Variants in SLU7 observed in about 807,000 individuals in gnomAD.
The protein encoded by SLU7 is pre-mRNA-splicing factor SLU7.
In SLU7, 60 loss-of-function variants were observed where a neutral mutation model predicts 87.0. That is an observed-to-expected ratio of 0.69 (90% CI 0.56 to 0.86). The LOEUF (loss-of-function observed/expected upper bound fraction) is 0.86. Ranked by LOEUF, SLU7 falls within the 40% of genes least tolerant of loss-of-function variation. The probability of loss-of-function intolerance (pLI) is 0.00; values close to 1 mark genes in which losing one functional copy is unlikely to be tolerated. For synonymous variants in SLU7, 197 were observed against 222.0 expected (o/e 0.89, Z 1.00); for missense variants, 507 against 686.6 (o/e 0.74, Z 2.92).
rs770918850 is a variant in SLU7, at chr5:160,414,385, T to C, written c.258A>G (p.Arg86=). 6.2e-7 allele frequency: 1 copy of C among 1,612,272 alleles called. No homozygotes were observed. The highest frequency in any genetic ancestry group is 1.1e-5 in the South Asian group (1 of 90,922). ...PSKRPTLKHQ[R]PQPEKQKQFS... is the part of the protein sequence containing the mutation. ...ACTGCTTTTGTTTTTCTGGTTGTGG[T>C]CTCTGGTGTTTTAAAGTAGGTCTTT... is the stretch of plus-strand genomic sequence containing the variant. Residue 86 remains arginine, a synonymous_variant, in exon 3 of 16, where the codon AGA becomes AGG. Coordinates refer to ENST00000297151, the MANE Select transcript of SLU7 (RefSeq NM_006425.5).
Position 160,407,662 on chromosome 5 carries a change from T to C in SLU7, c.986-47A>G, listed in dbSNP as rs747796625. 1.2e-6 allele frequency: 2 copies of C among 1,603,468 alleles called. No homozygotes were observed. Among genetic ancestry groups the C allele is most frequent in the South Asian group, 1.1e-5 (1 of 88,860 alleles). On this transcript the variant is annotated intron_variant, in intron 10 of 15. Coordinates refer to ENST00000297151, the MANE Select transcript of SLU7 (RefSeq NM_006425.5). The surrounding 1 kb of genome is among the most constrained non-coding windows in gnomAD (Gnocchi z 4.2). ...TAGTGAGTTGGCAGCTGCATTACTG[T>C]ATGCTTCTTGAAAACAAGCTTTAAA...
intron 6 of SLU7, 130 bp from the exon 7 acceptor site, chr5:160,408,827 T>TTATATAATAAA: frequency 5.8e-6 from 1 of 171,358 alleles, no homozygotes. Context: ...TATATTTTAT[T>TTATATAATAAA]ATATATTATA....
At chr5:160,414,542 A>G in intron 2 of SLU7, 70 bp from the exon 3 acceptor site, 1 of 1,027,028 alleles carries the variant, frequency 9.7e-7, no homozygotes, top group Non-Finnish European at 1.4e-6. Flanking sequence ...ACAATTACAA[A>G]GGTAGCTTAT....
rs1278642279 is a variant in SLU7 at position 160,403,400 on chromosome 5, T to C, written c.1646A>G (p.Lys549Arg). The C allele has an allele frequency of 6.2e-7, 1 of 1,613,416 alleles. No individual in the cohort carries two copies. The highest frequency in any genetic ancestry group is 8.5e-7 in the Non-Finnish European group (1 of 1,179,752). ...TTCATACATGCTATTGTAAGGCCGC[T>C]TCCTCTCATCAATCTGCATGGTCTC... ...VKETMQIDERKRPYNSMYETR... is the reference protein window; with the variant it reads ...VKETMQIDERRRPYNSMYETR... Residue 549 changes from lysine (K) to arginine (R), a missense_variant, in exon 16 of 16, where the codon AAG becomes AGG. Lys to Arg is a conservative substitution (Grantham distance 26). Coordinates refer to ENST00000297151, the MANE Select transcript of SLU7 (RefSeq NM_006425.5).
Position 160,408,320 on chromosome 5 carries a change from A to G in SLU7, c.819+9T>C. ...TTTCAAATATGTATGTTAAGCTGACAAGACTTACTTTTGCAATATCTTCTC... is the reference window on the plus strand; with the variant it reads ...TTTCAAATATGTATGTTAAGCTGACGAGACTTACTTTTGCAATATCTTCTC... On this transcript the variant is annotated intron_variant, in intron 8 of 15. Coordinates refer to ENST00000297151, the MANE Select transcript of SLU7 (RefSeq NM_006425.5). 6.2e-7 allele frequency: 1 copy of G among 1,604,032 alleles called. No homozygotes were observed.
intron 14 of SLU7, 44 bp downstream of exon 14, chr5:160,404,765 C>T (rs764438972): frequency 7.5e-7 from 1 of 1,336,434 alleles, no homozygotes; most frequent in Non-Finnish European, 1.1e-6. Flanking sequence ...TTAAAGCCCT[C>T]CCTCCAGGAC....
intron 1 of SLU7, among the ~76,000 whole-genome samples, chr5:160,417,762 A>G (rs1765515839): frequency 7.2e-6 from 1 of 139,806 alleles, no homozygotes. Flanking sequence ...ACTGCACTCC[A>G]GCCTGGGCGA....
At chr5:160,405,218 T>C (rs1165834565) in intron 12 of SLU7, 83 bp from the exon 13 acceptor site, 2 of 941,592 alleles carry the variant, frequency 2.1e-6, no homozygotes, top group Non-Finnish European at 3.4e-6. Flanking sequence ...TATAAAATAA[T>C]ACAGCCCATT....
At chr5:160,405,771 T>C (rs1330827299) in intron 12 of SLU7, among the ~76,000 whole-genome samples, 1 of 152,200 alleles carries the variant, frequency 6.6e-6, no homozygotes, top group Non-Finnish European at 1.5e-5. Flanking sequence ...ACAAGTTATA[T>C]AACACTACTA....
intron 1 of SLU7, among the ~76,000 whole-genome samples, chr5:160,417,930 C>T (rs1765524541): frequency 6.6e-6 from 1 of 152,172 alleles, no homozygotes. Context: ...ACAACTATCC[C>T]CGCTTCCTTC....
intron 11 of SLU7, 96 bp from the exon 12 acceptor site, chr5:160,406,725 C>A: frequency 9.7e-7 from 1 of 1,026,632 alleles, no homozygotes; most frequent in Non-Finnish European, 1.4e-6. Context: ...AGAAAGGGAA[C>A]ATTCTTTACT....
At position 160,414,014 on chromosome 5, in the gene SLU7, T is replaced by C. The variant is rs775754406; in HGVS notation, c.325-35A>G. On this transcript the variant is annotated intron_variant, in intron 3 of 15. Coordinates refer to ENST00000297151, the MANE Select transcript of SLU7 (RefSeq NM_006425.5). ...TATATAAAGAAAAACAAAAATGTCTTAACCACGTAAGTTAGAAATAACTTT... is the reference window on the plus strand; with the variant it reads ...TATATAAAGAAAAACAAAAATGTCTCAACCACGTAAGTTAGAAATAACTTT... 4 of 1,266,462 alleles carry C rather than the reference T, an allele frequency of 3.2e-6. No individual in the cohort carries two copies. In the African/African-American group the frequency reaches 6.2e-5, roughly 20 times the overall value. The allele number at this position is 1,266,462 out of a possible 1,614,324, so 78.5% of individuals were successfully genotyped here.
At chr5:160,415,577 T>G (rs2113166363) in intron 1 of SLU7, among the ~76,000 whole-genome samples, 1 of 152,304 alleles carries the variant, frequency 6.6e-6, no homozygotes, top group East Asian at 1.9e-4. Context: ...CCTTAATCCC[T>G]CTTTCTGTGT....
At chr5:160,411,162 G>A (rs970791663) in intron 6 of SLU7, among the ~76,000 whole-genome samples, 3 of 152,120 alleles carry the variant, frequency 2.0e-5, no homozygotes, top group African/African-American at 7.2e-5. Flanking sequence ...CACCGCGCCC[G>A]GCCGGCAAAT....
chr5:160,405,944 T>C (rs1186103661), intron 12 of SLU7, among the ~76,000 whole-genome samples: 2 of 152,116 alleles, frequency 1.3e-5, no homozygotes, highest in Admixed American at 6.5e-5. Context: ...AAACAAAAAA[T>C]AGGTGTTAAA....
rs1290569438 is a variant in SLU7, at chr5:160,416,880, T to C, written c.-16-1570A>G. Among the ~76,000 whole-genome samples, 6 of 152,224 alleles carry C rather than the reference T, an allele frequency of 3.9e-5. No individual in the cohort carries two copies. The East Asian group carries it at 1.2e-3, about 29-fold the overall frequency. ...TCATCTTGAATTGTACTCCTGTAATTCCCAAGTGTTGTGGGAGAGACCGGG... is the reference window on the plus strand; with the variant it reads ...TCATCTTGAATTGTACTCCTGTAATCCCCAAGTGTTGTGGGAGAGACCGGG... On this transcript the variant is annotated intron_variant, in intron 1 of 15. Coordinates refer to ENST00000297151, the MANE Select transcript of SLU7 (RefSeq NM_006425.5).
At chr5:160,415,798 A>G (rs1248914694) in intron 1 of SLU7, among the ~76,000 whole-genome samples, 1 of 152,200 alleles carries the variant, frequency 6.6e-6, no homozygotes, top group Non-Finnish European at 1.5e-5. Context: ...ATCAAGGACC[A>G]TTGTGCTAAA....
Position 160,407,524 on chromosome 5 carries a change from G to T in SLU7, c.1077C>A (p.Val359=). The T allele has an allele frequency of 6.2e-7, 1 of 1,611,464 alleles. No homozygotes were observed. Among genetic ancestry groups the T allele is most frequent in the East Asian group, 2.2e-5 (1 of 44,828 alleles). ...GCTGTTCTTTGAAATCTTCTTTTTT[G>T]ACTTTGAAGGACTTATACAACAGCT... ...KLELLYKSFK[V]KKEDFKEQQK... Residue 359 remains valine (V), a synonymous_variant, in exon 11 of 16, where the codon GTC becomes GTA. Transcript: ENST00000297151. The surrounding 1 kb of genome is among the most constrained non-coding windows in gnomAD (Gnocchi z 4.2).
At chr5:160,403,546 C>T in intron 15 of SLU7, 82 bp from the exon 16 acceptor site, 2 of 1,235,498 alleles carry the variant, frequency 1.6e-6, no homozygotes, top group Middle Eastern at 2.9e-4. Flanking sequence ...CCAACACACC[C>T]CACTGAATAT....
Sources: gnomAD v4.1 joint callset for allele counts (sites outside exome capture counted in the v4.1 genomes callset) on GRCh38, gnomAD v4.1.1 for gene constraint, Gnocchi (gnomAD v3.1) non-coding constraint, MANE v1.5 for transcripts, NCBI Gene and HGNC (gene_info 2026-07-23, HGNC 2026-07-21) for gene names.